The following ZNF536 variants were observed in gnomAD, a reference collection of about 807,000 sequenced individuals.
ZNF536 encodes the protein zinc finger protein 536.
ZNF536 carries 13 observed loss-of-function variants against 84.5 expected under a neutral mutation model. The observed-to-expected ratio is 0.15, with a 90% CI of 0.10 to 0.24. ZNF536 has a LOEUF of 0.24. Ranked by LOEUF, ZNF536 falls within the 10% of genes least tolerant of loss-of-function variation. The pLI, the probability that ZNF536 is intolerant of heterozygous loss-of-function variation, is 1.00. For synonymous variants in ZNF536, 811 were observed against 742.5 expected, an observed-to-expected ratio of 1.09 and a Z score of -1.50; for missense variants, 1,536 against 1,747.5, an observed-to-expected ratio of 0.88 and a Z score of 2.16.
At chr19:30,704,924 C>CTT (rs60002455) in intron 1 of ZNF536, among the ~76,000 whole-genome samples, 137 of 141,952 alleles carry the variant, frequency 9.7e-4, no homozygotes, top group East Asian at 6.2e-3. Flanking sequence ...GAGCTCAGCA[C>CTT]TTTTTTTTTT....
intron 1 of ZNF536, among the ~76,000 whole-genome samples, chr19:30,262,193 C>T (rs1433857867): frequency 2.6e-5 from 4 of 152,258 alleles, no homozygotes; most frequent in Non-Finnish European, 5.9e-5. Flanking sequence ...CCTCTGTTAG[C>T]AGGAGACTCC....
intron 1 of ZNF536, among the ~76,000 whole-genome samples, chr19:30,592,422 A>G (rs1251213434): frequency 6.6e-6 from 1 of 152,186 alleles, no homozygotes; most frequent in Non-Finnish European, 1.5e-5. Flanking sequence ...AAAATGGGTC[A>G]GGCATGTGGG....
intron 1 of ZNF536, among the ~76,000 whole-genome samples, chr19:30,577,303 A>G (rs1299024189): frequency 6.6e-6 from 1 of 152,106 alleles, no homozygotes; most frequent in Non-Finnish European, 1.5e-5. Context: ...GCTGAGTTAT[A>G]AACCCCCGAA....
At chr19:30,682,399 C>CG (rs2051011929) in intron 1 of ZNF536, among the ~76,000 whole-genome samples, 1 of 152,290 alleles carries the variant, frequency 6.6e-6, no homozygotes, top group East Asian at 1.9e-4. Context: ...GCTGGTCGCG[C>CG]GTGCACACAG....
chr19:30,460,476 G>A (rs2053083186), intron 2 of ZNF536, among the ~76,000 whole-genome samples: 1 of 152,146 alleles, frequency 6.6e-6, no homozygotes, highest in South Asian at 2.1e-4. Context: ...TGCACATGGT[G>A]ACGAGGTTCT....
chr19:30,296,457 G>A (rs1275937925), intron 2 of ZNF536, among the ~76,000 whole-genome samples: 2 of 152,204 alleles, frequency 1.3e-5, no homozygotes, highest in Non-Finnish European at 2.9e-5. Flanking sequence ...GGGAAAATGG[G>A]CAGGGAGGTT....
At chr19:30,499,452 G>GT (rs2145273861) in intron 2 of ZNF536, among the ~76,000 whole-genome samples, 1 of 152,072 alleles carries the variant, frequency 6.6e-6, no homozygotes, top group Non-Finnish European at 1.5e-5. Context: ...TTCTGTGTTT[G>GT]TATCTATGTA....
intron 1 of ZNF536, among the ~76,000 whole-genome samples, chr19:30,375,143 G>A (rs1382014944): frequency 6.6e-6 from 1 of 150,578 alleles, no homozygotes; most frequent in South Asian, 2.1e-4. Flanking sequence ...GCGCGGTCGC[G>A]GTGCAGGAAC....
At chr19:30,366,069 G>A (rs998150166) in intron 3 of ZNF536, among the ~76,000 whole-genome samples, 13 of 152,136 alleles carry the variant, frequency 8.5e-5, no homozygotes, top group Admixed American at 3.3e-4. Flanking sequence ...AGTCACCCCC[G>A]CCGAACCCCT....
rs369401963 is a variant in ZNF536 at position 30,354,296 on chromosome 19, GA to G, written c.-3+1813del. 3.7e-4 allele frequency among the ~76,000 whole-genome samples: 56 copies of G among 152,284 alleles called. 1 individual carries two copies. In the South Asian group the frequency reaches 0.012, roughly 32 times the overall value. On this transcript the variant is annotated intron_variant, in intron 3 of 5. Coordinates refer to the ZNF536 transcript ENST00000585628. ...AGATATCCTTTGGATGGGCTTCTTG[GA>G]CTCTGTAGAATAGACAGTAGCTCCA...
chr19:30,595,387 A>G (rs1186374743), intron 1 of ZNF536, among the ~76,000 whole-genome samples: 2 of 152,086 alleles, frequency 1.3e-5, no homozygotes, highest in African/African-American at 4.8e-5. Context: ...TCCTCAGTTC[A>G]AGCTGTCTTC....
At chr19:30,424,325 A>G (rs1289459108) in intron 1 of ZNF536, among the ~76,000 whole-genome samples, 1 of 152,148 alleles carries the variant, frequency 6.6e-6, no homozygotes, top group Non-Finnish European at 1.5e-5. Context: ...TCACTGTGCA[A>G]TAAAGAGGAG....
chr19:30,399,553 T>TA lies in ZNF536; in HGVS notation c.-3+26999dup, dbSNP rs1356927787. Among the ~76,000 whole-genome samples, 75 of 152,292 alleles carry TA rather than the reference T, an allele frequency of 4.9e-4. 1 individual carries two copies. Among genetic ancestry groups the TA allele is most frequent in the Admixed American group, 4.9e-3 (75 of 15,282 alleles). The stretch of plus-strand genomic sequence containing the variant: ...CTAGGATTTTTATGGTTTTAGGTCT[T>TA]AAGTTTAAATTTTTAATCCATCTTG... On this transcript the variant is annotated intron_variant, in intron 1 of 4. Coordinates refer to ENST00000355537, the MANE Select transcript of ZNF536 (RefSeq NM_014717.3).
At chr19:30,243,741 A>T in intron 1 of ZNF536, among the ~76,000 whole-genome samples, 1 of 152,244 alleles carries the variant, frequency 6.6e-6, no homozygotes, top group East Asian at 1.9e-4. Context: ...TTCAATCCCA[A>T]ATCACAAAGT....
intron 1 of ZNF536, among the ~76,000 whole-genome samples, chr19:30,645,309 T>G (rs1471248426): frequency 6.6e-6 from 1 of 152,210 alleles, no homozygotes; most frequent in African/African-American, 2.4e-5. Flanking sequence ...TTTCTCCCAT[T>G]CTGTAGGTTG....
chr19:30,311,794 C>G (rs531578721), intron 2 of ZNF536, among the ~76,000 whole-genome samples: 1 of 152,118 alleles, frequency 6.6e-6, no homozygotes, highest in South Asian at 2.1e-4. Context: ...TAAGGCTAAG[C>G]GTGGTGGCTC....
chr19:30,525,728 A>G (rs115743681), intron 2 of ZNF536, among the ~76,000 whole-genome samples: 1,593 of 152,244 alleles, frequency 0.01, 26 homozygotes, highest in African/African-American at 0.036. Context: ...TTCTAGGGGA[A>G]AGAGAATTCC....
intron 1 of ZNF536, among the ~76,000 whole-genome samples, chr19:30,410,632 G>A (rs1171495298): frequency 3.3e-5 from 5 of 152,028 alleles, no homozygotes; most frequent in Admixed American, 2.0e-4. Context: ...CCGCCACCAC[G>A]CCCGGCTAAT....
At chr19:30,584,027 G>C (rs996838997) in intron 1 of ZNF536, among the ~76,000 whole-genome samples, 17 of 152,136 alleles carry the variant, frequency 1.1e-4, no homozygotes, top group African/African-American at 3.9e-4. Context: ...TATGCATCTA[G>C]AATCAACAGT....
Sources: gnomAD v4.1 joint callset for allele counts (sites outside exome capture counted in the v4.1 genomes callset) on GRCh38, gnomAD v4.1.1 for gene constraint, MANE v1.5 for transcripts, NCBI Gene and HGNC (gene_info 2026-07-23, HGNC 2026-07-21) for gene names.